Variants in TNNI3K observed in about 807,000 individuals in gnomAD.
TNNI3K encodes serine/threonine-protein kinase TNNI3K.
Under a neutral mutation model 114.5 loss-of-function variants are expected in TNNI3K, and 140 were observed. The ratio of observed to expected loss-of-function variants is 1.22; its 90% CI spans 1.07 to 1.41. The LOEUF (loss-of-function observed/expected upper bound fraction) is 1.41, where lower values mean the gene tolerates loss of function less well. Ranked by LOEUF, TNNI3K falls within the 40% of genes most tolerant of loss-of-function variation. The pLI, the probability that TNNI3K is intolerant of heterozygous loss-of-function variation, is 0.00. For missense variants in TNNI3K, 1,125 were observed against 1,007.6 expected, an observed-to-expected ratio of 1.12 and a Z score of -1.58; for synonymous variants, 347 against 347.5, an observed-to-expected ratio of 1.00 and a Z score of 0.02.
chr1:74,281,596 A>G (rs1011244921), intron 5 of TNNI3K, among the ~76,000 whole-genome samples: 1 of 151,990 alleles, frequency 6.6e-6, no homozygotes. Flanking sequence ...CATTTATTCA[A>G]GTTTCTTTTT....
At chr1:74,445,749 T>C (rs1486844378) in intron 20 of TNNI3K, among the ~76,000 whole-genome samples, 2 of 151,112 alleles carry the variant, frequency 1.3e-5, no homozygotes. Flanking sequence ...TAGCTGGGAC[T>C]ACAGGCGCCC....
intron 11 of TNNI3K, among the ~76,000 whole-genome samples, chr1:74,363,365 G>A (rs1240023304): frequency 6.6e-6 from 1 of 151,972 alleles, no homozygotes; most frequent in African/African-American, 2.4e-5. Context: ...AGAGCTGAGG[G>A]GGCCTCTTGG....
intron 17 of TNNI3K, among the ~76,000 whole-genome samples, chr1:74,425,684 G>A (rs1026054478): frequency 3.3e-5 from 5 of 152,036 alleles, no homozygotes; most frequent in East Asian, 1.9e-4. Context: ...TATGAAAGCC[G>A]GGATGAGAAG....
intron 5 of TNNI3K, among the ~76,000 whole-genome samples, chr1:74,327,079 CAA>C (rs552823540): frequency 5.2e-4 from 33 of 64,070 alleles, no homozygotes; most frequent in Admixed American, 7.3e-4. Flanking sequence ...GACTCCGTGT[CAA>C]AAAAAAAAAA....
At chr1:74,384,952 C>T (rs768602822) in intron 17 of TNNI3K, among the ~76,000 whole-genome samples, 5 of 152,028 alleles carry the variant, frequency 3.3e-5, no homozygotes, top group Non-Finnish European at 5.9e-5. Flanking sequence ...TTCAACAGCA[C>T]CGATATATTG....
At chr1:74,295,768 AT>A (rs777225192) in intron 5 of TNNI3K, among the ~76,000 whole-genome samples, 30 of 152,246 alleles carry the variant, frequency 2.0e-4, no homozygotes, top group Non-Finnish European at 3.8e-4. Context: ...CTTGTAAGAA[AT>A]ATTCGTATTT....
At chr1:74,323,080 A>G (rs753544955) in intron 5 of TNNI3K, among the ~76,000 whole-genome samples, 9 of 152,194 alleles carry the variant, frequency 5.9e-5, no homozygotes, top group Non-Finnish European at 4.4e-5. Flanking sequence ...GACTTAGAAT[A>G]TGTTTAACTT....
chr1:74,463,748 T>G (rs1249738118), intron 21 of TNNI3K, among the ~76,000 whole-genome samples, 198 bp downstream of exon 21: 2 of 152,226 alleles, frequency 1.3e-5, no homozygotes, highest in South Asian at 4.1e-4. Context: ...TTTCTGATTT[T>G]GAAACGTTTC....
At chr1:74,385,997 A>G (rs1323302875) in intron 17 of TNNI3K, among the ~76,000 whole-genome samples, 2 of 152,178 alleles carry the variant, frequency 1.3e-5, no homozygotes, top group South Asian at 2.1e-4. Flanking sequence ...TAATTGAATG[A>G]TGGGGATTAG....
intron 16 of TNNI3K, 77 bp from the exon 17 acceptor site, chr1:74,370,211 A>T (rs921112034): frequency 1.8e-5 from 23 of 1,264,442 alleles, no homozygotes; most frequent in Non-Finnish European, 2.4e-5. Flanking sequence ...ATAAAATAAC[A>T]ACTCTTACAC....
chr1:74,328,097 A>C (rs1232289240), intron 5 of TNNI3K, among the ~76,000 whole-genome samples: 1 of 152,168 alleles, frequency 6.6e-6, no homozygotes, highest in African/African-American at 2.4e-5. Flanking sequence ...ATTCTATCAT[A>C]TAATTAAGTC....
intron 21 of TNNI3K, among the ~76,000 whole-genome samples, chr1:74,472,838 A>G (rs115624317): frequency 1.1e-4 from 17 of 152,266 alleles, no homozygotes; most frequent in Non-Finnish European, 1.9e-4. Context: ...ACAGATTAAT[A>G]TAATATTTAA....
intron 20 of TNNI3K, among the ~76,000 whole-genome samples, chr1:74,457,498 G>C (rs1341602919): frequency 6.6e-6 from 1 of 152,138 alleles, no homozygotes; most frequent in Non-Finnish European, 1.5e-5. Flanking sequence ...CTTAGCTCTT[G>C]CTGGGATTGT....
intron 23 of TNNI3K, among the ~76,000 whole-genome samples, chr1:74,511,672 A>T (rs914646770): frequency 6.6e-6 from 1 of 152,068 alleles, no homozygotes; most frequent in South Asian, 2.1e-4. Flanking sequence ...TCACAGTTTA[A>T]GGGAGGAGGT....
At chr1:74,247,112 CGCAG>C in intron 2 of TNNI3K, among the ~76,000 whole-genome samples, 1 of 152,282 alleles carries the variant, frequency 6.6e-6, no homozygotes, top group East Asian at 1.9e-4. Flanking sequence ...CGCGGACCCT[CGCAG>C]TGAGTGTTCA....
At position 74,452,980 on chromosome 1, in the gene TNNI3K, C is replaced by G. The variant is rs45527032; in HGVS notation, c.2012-10461C>G. Among the ~76,000 whole-genome samples the G allele has an allele frequency of 3.4e-3, 520 of 152,260 alleles. 3 individuals carry two copies. The highest frequency in any genetic ancestry group is 0.012 in the African/African-American group (479 of 41,556). On this transcript the variant is annotated intron_variant, in intron 20 of 24. Transcript: ENST00000326637. ...GTCTTAGTCTAAATATAATTTCTTT[C>G]CAAAAATCTTTCTTAATTCTCCAAT...
At chr1:74,510,973 T>G (rs915515614) in intron 23 of TNNI3K, among the ~76,000 whole-genome samples, 3 of 152,184 alleles carry the variant, frequency 2.0e-5, no homozygotes, top group Non-Finnish European at 4.4e-5. Context: ...CTGCAACCTC[T>G]GCCTCCCAGG....
chr1:74,348,202 A>G (rs1661126975), intron 9 of TNNI3K, among the ~76,000 whole-genome samples: 1 of 152,178 alleles, frequency 6.6e-6, no homozygotes, highest in Non-Finnish European at 1.5e-5. Flanking sequence ...ATCCAGTTTC[A>G]CCTTTCTACA....
intron 7 of TNNI3K, among the ~76,000 whole-genome samples, chr1:74,341,310 A>T (rs951809014): frequency 1.3e-5 from 2 of 152,178 alleles, no homozygotes; most frequent in African/African-American, 4.8e-5. Context: ...TCTAAGATGG[A>T]CATTAGTAAA....
Sources: allele counts gnomAD v4.1 joint callset (sites outside exome capture counted in the v4.1 genomes callset), GRCh38; gene constraint gnomAD v4.1.1; transcripts MANE v1.5; gene names NCBI Gene and HGNC (gene_info 2026-07-23, HGNC 2026-07-21).